The following CELF2 variants were observed in gnomAD, a reference collection of about 807,000 sequenced individuals.
CELF2 encodes the protein CUGBP Elav-like family member 2.
Under a neutral mutation model 62.6 loss-of-function variants are expected in CELF2, and 8 were observed. The ratio of observed to expected loss-of-function variants is 0.13; its 90% CI spans 0.07 to 0.23. The LOEUF is 0.23. CELF2 is among the 10% of genes least tolerant of loss of function. The pLI, the probability that CELF2 is intolerant of heterozygous loss-of-function variation, is 1.00. For synonymous variants in CELF2, 258 were observed against 250.0 expected, an observed-to-expected ratio of 1.03 and a Z score of -0.30; for missense variants, 333 against 671.0, an observed-to-expected ratio of 0.50 and a Z score of 5.56.
the CELF2 span, among the ~76,000 whole-genome samples, chr10:10,755,645 G>A: frequency 2.6e-5 from 4 of 152,166 alleles, no homozygotes; most frequent in Admixed American, 6.5e-5. Flanking sequence ...GAAGAGTGAG[G>A]AACATCTTTC....
chr10:10,939,332 G>C (rs2046786652), intron 2 of CELF2, among the ~76,000 whole-genome samples: 3 of 151,718 alleles, frequency 2.0e-5, no homozygotes, highest in Admixed American at 2.0e-4. Flanking sequence ...TGTCACCCAG[G>C]CTGGAATGCA....
At chr10:10,512,664 C>G in the CELF2 span, among the ~76,000 whole-genome samples, 3 of 152,240 alleles carry the variant, frequency 2.0e-5, no homozygotes, top group African/African-American at 7.2e-5. Context: ...ATCTGCCCAC[C>G]TCAGCTTCCC....
At chr10:10,827,535 T>G (rs2057491594) in intron 1 of CELF2, among the ~76,000 whole-genome samples, 1 of 152,234 alleles carries the variant, frequency 6.6e-6, no homozygotes, top group Non-Finnish European at 1.5e-5. Context: ...TAATTGATCA[T>G]ATACTTCACC....
chr10:11,144,417 A>G (rs2061878083), intron 1 of CELF2, among the ~76,000 whole-genome samples: 1 of 152,178 alleles, frequency 6.6e-6, no homozygotes, highest in Non-Finnish European at 1.5e-5. Context: ...TGTTTACTGT[A>G]TGCTTCTACG....
At chr10:10,814,518 G>A (rs752432953) in intron 1 of CELF2, among the ~76,000 whole-genome samples, 3 of 152,188 alleles carry the variant, frequency 2.0e-5, no homozygotes, top group Admixed American at 6.5e-5. Flanking sequence ...CAGCAGCGCC[G>A]TAGTATCCCA....
rs2060209265 is a variant in CELF2 at position 11,135,011 on chromosome 10, G to GTT, written c.75-30473_75-30472dup. On this transcript the variant is annotated intron_variant, in intron 1 of 12. Transcript: ENST00000633077. ...CTTCGCATGGCCCTCAAATACCAGT[G>GTT]TTTGCACCTTCACAAAATCCTTAAA... 3.9e-5 allele frequency among the ~76,000 whole-genome samples: 6 copies of GTT among 152,336 alleles called. No individual in the cohort carries two copies. In the South Asian group the frequency reaches 1.0e-3, roughly 26 times the overall value.
At chr10:10,954,211 TTTATTA>T (rs148582483) in intron 2 of CELF2, among the ~76,000 whole-genome samples, 10,408 of 137,154 alleles carry the variant, frequency 0.076, 443 homozygotes, top group African/African-American at 0.1. Context: ...TGGCAATTTA[TTTATTA>T]TTATTATTAT....
At chr10:10,651,064 G>A in the CELF2 span, among the ~76,000 whole-genome samples, 2 of 151,678 alleles carry the variant, frequency 1.3e-5, no homozygotes, top group Admixed American at 6.6e-5. Flanking sequence ...CTTGGGAAGC[G>A]CAAGGGGTCA....
chr10:10,918,753 A>G (rs148853635), intron 1 of CELF2, among the ~76,000 whole-genome samples: 2 of 152,182 alleles, frequency 1.3e-5, no homozygotes, highest in African/African-American at 4.8e-5. Context: ...GTGTGTTTGT[A>G]TATATTGTTA....
the CELF2 span, among the ~76,000 whole-genome samples, chr10:10,729,575 C>T: frequency 6.6e-6 from 1 of 152,218 alleles, no homozygotes; most frequent in African/African-American, 2.4e-5. Context: ...CCACTACACT[C>T]CAGCCTGGGC....
chr10:11,068,845 C>T (rs1427630867), intron 1 of CELF2, among the ~76,000 whole-genome samples: 1 of 152,198 alleles, frequency 6.6e-6, no homozygotes, highest in Admixed American at 6.5e-5. Context: ...CAGGCGTGAG[C>T]CACCGCACCC....
chr10:11,188,039 CT>C (rs1437334994), intron 2 of CELF2, among the ~76,000 whole-genome samples: 2 of 152,192 alleles, frequency 1.3e-5, no homozygotes, highest in East Asian at 3.9e-4. Context: ...GTGGTAAATC[CT>C]TTCACCTTTT....
chr10:10,796,274 T>C (rs1014674123), upstream of CELF2, among the ~76,000 whole-genome samples: 1 of 152,150 alleles, frequency 6.6e-6, no homozygotes, highest in African/African-American at 2.4e-5. Flanking sequence ...ACAAGTTGGT[T>C]ATGAGGAGTG....
At chr10:11,026,057 A>T (rs1165761541) in intron 1 of CELF2, among the ~76,000 whole-genome samples, 1 of 111,476 alleles carries the variant, frequency 9.0e-6, no homozygotes, top group African/African-American at 2.6e-5. Flanking sequence ...TTTCAGAGTT[A>T]GAGTAGGAAG....
chr10:11,142,893 G>T lies in CELF2; in HGVS notation c.75-22593G>T, dbSNP rs189362488. On this transcript the variant is annotated intron_variant, in intron 1 of 12. Coordinates refer to ENST00000633077, the MANE Select transcript of CELF2 (RefSeq NM_001326342.2). Reference sequence around the variant, plus strand: ...TCCACTGGGGGGACTCAGTCCCCTCGTGATTCTTCTGTCCTCCCTCCACTG... The same window carrying T: ...TCCACTGGGGGGACTCAGTCCCCTCTTGATTCTTCTGTCCTCCCTCCACTG... Among the ~76,000 whole-genome samples, 570 of 151,676 alleles carry T rather than the reference G, an allele frequency of 3.8e-3. 3 individuals are homozygous for T. Among genetic ancestry groups the T allele is most frequent in the African/African-American group, 0.013 (522 of 41,104 alleles).
At chr10:10,805,504 A>G (rs1432113378) in intron 1 of CELF2, among the ~76,000 whole-genome samples, 8 of 152,286 alleles carry the variant, frequency 5.3e-5, no homozygotes, top group Admixed American at 3.3e-4. Context: ...GCTGGAATGC[A>G]TTGTCAATTC....
chr10:10,994,910 G>A (rs1362477396), intron 2 of CELF2, among the ~76,000 whole-genome samples: 1 of 152,070 alleles, frequency 6.6e-6, no homozygotes, highest in Non-Finnish European at 1.5e-5. Context: ...CTCCTCTGCA[G>A]GGCTATCTCA....
chr10:10,640,466 C>T, the CELF2 span, among the ~76,000 whole-genome samples: 2 of 152,216 alleles, frequency 1.3e-5, no homozygotes, highest in Admixed American at 1.3e-4. Flanking sequence ...TCCCCTTCCC[C>T]TCCTCCCACC....
the CELF2 span, among the ~76,000 whole-genome samples, chr10:10,674,360 A>C: frequency 6.6e-6 from 1 of 152,188 alleles, no homozygotes; most frequent in Admixed American, 6.5e-5. Flanking sequence ...GATTAGTGTT[A>C]GCATGGTATA....
Sources: gnomAD v4.1 joint callset for allele counts (sites outside exome capture counted in the v4.1 genomes callset) on GRCh38, gnomAD v4.1.1 for gene constraint, MANE v1.5 for transcripts, NCBI Gene and HGNC (gene_info 2026-07-23, HGNC 2026-07-21) for gene names.